The following PLXDC1 variants were observed in gnomAD, a reference collection of about 807,000 sequenced individuals.
PLXDC1 encodes plexin domain containing 1.
A neutral mutation model predicts 61.3 loss-of-function variants in PLXDC1; 39 were observed. The observed-to-expected ratio is 0.64, with a 90% CI of 0.49 to 0.83. PLXDC1 has a LOEUF of 0.83. Ranked by LOEUF, PLXDC1 falls within the 40% of genes least tolerant of loss-of-function variation. The pLI is 0.00. For missense variants in PLXDC1, 596 were observed against 666.5 expected, an observed-to-expected ratio of 0.89 and a Z score of 1.17; for synonymous variants, 212 against 254.5, an observed-to-expected ratio of 0.83 and a Z score of 1.59.
intron 9 of PLXDC1, chr17:39,080,959 G>A (rs2143376498): frequency 1.3e-5 from 2 of 152,964 alleles, no homozygotes; most frequent in East Asian, 3.9e-4. Context: ...GACCCATTTT[G>A]CAGTTCTCAT....
chr17:39,108,613 G>T (rs377377593), intron 4 of PLXDC1: 3 of 521,914 alleles, frequency 5.7e-6, no homozygotes, highest in African/African-American at 3.8e-5. Context: ...GCTCTCAGTG[G>T]AGTCTCCCTC....
At chr17:39,133,861 A>G (rs865807928) in intron 2 of PLXDC1, among the ~76,000 whole-genome samples, 11 of 152,254 alleles carry the variant, frequency 7.2e-5, no homozygotes, top group Middle Eastern at 3.4e-3. Context: ...TCCTGGCCTC[A>G]AGCAATCCTC....
At chr17:39,095,377 C>G (rs4997120) in intron 7 of PLXDC1, among the ~76,000 whole-genome samples, 42,621 of 58,384 alleles carry the variant, frequency 0.73, 17,188 homozygotes, top group Admixed American at 0.76. Context: ...GCCCCCCCCC[C>G]CCAACCCCCC....
At chr17:39,126,495 A>C (rs1354468674) in intron 2 of PLXDC1, among the ~76,000 whole-genome samples, 1 of 152,238 alleles carries the variant, frequency 6.6e-6, no homozygotes, top group Non-Finnish European at 1.5e-5. Context: ...CACTTCTAAT[A>C]TTAAACAGAC....
chr17:39,138,734 T>TA (rs1236629372), intron 2 of PLXDC1, among the ~76,000 whole-genome samples: 28 of 151,618 alleles, frequency 1.8e-4, no homozygotes, highest in Admixed American at 1.8e-3. Flanking sequence ...TTTTTTTTTT[T>TA]AACTGTCAGC....
At chr17:39,100,963 C>G (rs1183329893) in intron 7 of PLXDC1, among the ~76,000 whole-genome samples, 1 of 152,198 alleles carries the variant, frequency 6.6e-6, no homozygotes, top group Non-Finnish European at 1.5e-5. Flanking sequence ...ACAACTGATA[C>G]AACTGTAGTG....
At chr17:39,123,410 G>A (rs546026187) in intron 2 of PLXDC1, among the ~76,000 whole-genome samples, 23 of 152,258 alleles carry the variant, frequency 1.5e-4, no homozygotes, top group South Asian at 2.1e-4. Flanking sequence ...GGCTGGTCTC[G>A]AACTCCTGAC....
chr17:39,109,393 T>G lies in PLXDC1; in HGVS notation c.256-2A>C. The G allele has an allele frequency of 1.9e-6, 3 of 1,583,138 alleles. No individual in the cohort carries two copies. The highest frequency in any genetic ancestry group is 2.6e-6 in the Non-Finnish European group (3 of 1,165,058). On this transcript the variant is annotated splice_acceptor_variant, in intron 2 of 13. Transcript: ENST00000315392. LOFTEE classifies it high-confidence loss of function. The stretch of plus-strand genomic sequence containing the variant: ...CACATAATAGCTGTGGTTGTCCTCC[T>G]GCCGGCACCCAAGATAAAGCCCACA...
intron 11 of PLXDC1, among the ~76,000 whole-genome samples, chr17:39,077,081 T>C (rs1200783820): frequency 6.6e-6 from 1 of 152,034 alleles, no homozygotes; most frequent in Non-Finnish European, 1.5e-5. Context: ...TTGGTCAGGC[T>C]GGTCTCAAAC....
Position 39,139,638 on chromosome 17 carries a change from T to G in PLXDC1, c.255+16A>C. On this transcript the variant is annotated intron_variant, in intron 2 of 13. Coordinates refer to ENST00000315392, the MANE Select transcript of PLXDC1 (RefSeq NM_020405.5). ...ACCCCCACTTCGCTCCCCCTCCATG[T>G]TCCTCCAGCACTCACCACCACCCTG... The G allele has an allele frequency of 1.9e-6, 3 of 1,542,900 alleles. No homozygotes were observed. The highest frequency in any genetic ancestry group is 1.8e-5 in the Admixed American group (1 of 56,740).
intron 11 of PLXDC1, 70 bp downstream of exon 11, chr17:39,077,843 G>C: frequency 1.3e-6 from 2 of 1,536,258 alleles, no homozygotes; most frequent in Non-Finnish European, 1.8e-6. Context: ...GACAGAGAGG[G>C]GGCCCCAGAG....
At chr17:39,082,713 C>A (rs578019433) in intron 9 of PLXDC1, among the ~76,000 whole-genome samples, 9 of 152,308 alleles carry the variant, frequency 5.9e-5, no homozygotes, top group Admixed American at 1.3e-4. Flanking sequence ...GAACTCTAGT[C>A]CCCAAGGAAA....
At chr17:39,142,014 G>C (rs908327587) in intron 1 of PLXDC1, among the ~76,000 whole-genome samples, 2 of 152,022 alleles carry the variant, frequency 1.3e-5, no homozygotes, top group Non-Finnish European at 2.9e-5. Context: ...TTGTTGGTTG[G>C]ACTGGATAAT....
intron 7 of PLXDC1, among the ~76,000 whole-genome samples, chr17:39,100,230 C>A (rs1910373175): frequency 6.6e-6 from 1 of 152,082 alleles, no homozygotes; most frequent in Admixed American, 6.5e-5. Context: ...GTGACCCTGG[C>A]TAACACTTTT....
chr17:39,083,508 T>C lies in PLXDC1; in HGVS notation c.940A>G (p.Met314Val), dbSNP rs757155913. 17 of 1,613,688 alleles carry C rather than the reference T, an allele frequency of 1.1e-5. No individual in the cohort carries two copies. The highest frequency in any genetic ancestry group is 4.0e-5 in the African/African-American group (3 of 74,936). Residue 314 changes from methionine (M) to valine (V), a missense_variant, in exon 9 of 14, where the codon ATG (methionine) becomes GTG (valine). Transcript: ENST00000315392. The stretch of plus-strand genomic sequence containing the variant: ...CAGTTGAAGGTCAGGTCTGAGGACA[T>C]GCAGGCGTCACAGCTCCTATGCTGC... Reference protein sequence around the residue: ...CLQHRSCDACMSSDLTFNCSW... With the variant: ...CLQHRSCDACVSSDLTFNCSW...
At chr17:39,113,612 T>G (rs962569969) in intron 2 of PLXDC1, among the ~76,000 whole-genome samples, 2 of 152,058 alleles carry the variant, frequency 1.3e-5, no homozygotes, top group African/African-American at 4.8e-5. Context: ...AGGACGAGGC[T>G]GGAGGATCAC....
chr17:39,122,210 C>T (rs919841811), intron 2 of PLXDC1, among the ~76,000 whole-genome samples: 14 of 150,968 alleles, frequency 9.3e-5, no homozygotes, highest in African/African-American at 3.4e-4. Flanking sequence ...TGAGACCAGC[C>T]GGGCCAACAT....
chr17:39,073,757 T>C (rs960522506), intron 11 of PLXDC1, among the ~76,000 whole-genome samples: 3 of 152,384 alleles, frequency 2.0e-5, no homozygotes, highest in African/African-American at 7.2e-5. Context: ...TTGTCACTTC[T>C]TGTGGCTATC....
In PLXDC1 at chr17:39,102,276, A is replaced by T. The variant is rs114181474; in HGVS notation, c.811+3578T>A. On this transcript the variant is annotated intron_variant, in intron 7 of 13. Coordinates refer to ENST00000315392, the MANE Select transcript of PLXDC1 (RefSeq NM_020405.5). ...GAGGTAGCTCGAGGCAACTCATTAGATGGTGACAGCTACAGCCCAGACCTT... is the reference window on the plus strand; with the variant it reads ...GAGGTAGCTCGAGGCAACTCATTAGTTGGTGACAGCTACAGCCCAGACCTT... Among the ~76,000 whole-genome samples the T allele has an allele frequency of 4.2e-3, 645 of 152,252 alleles. 3 individuals are homozygous for T. Among genetic ancestry groups the T allele is most frequent in the African/African-American group, 0.014 (573 of 41,536 alleles).
Sources: gnomAD v4.1 joint callset for allele counts (sites outside exome capture counted in the v4.1 genomes callset) on GRCh38, gnomAD v4.1.1 for gene constraint, MANE v1.5 for transcripts, NCBI Gene and HGNC (gene_info 2026-07-23, HGNC 2026-07-21) for gene names.